PPP2R2B: variants seen among roughly 807,000 people sequenced by gnomAD.
PPP2R2B encodes serine/threonine-protein phosphatase 2A 55 kDa regulatory subunit B beta isoform.
A neutral mutation model predicts 46.0 loss-of-function variants in PPP2R2B; 5 were observed. The observed-to-expected ratio is 0.11, with a 90% CI of 0.06 to 0.23. The LOEUF (loss-of-function observed/expected upper bound fraction) is 0.23. Ranked by LOEUF, PPP2R2B falls within the 10% of genes least tolerant of loss-of-function variation. PPP2R2B has a pLI of 1.00. For missense variants in PPP2R2B, 367 were observed against 575.0 expected (o/e 0.64, Z 3.70); for synonymous variants, 215 against 206.7 (o/e 1.04, Z -0.34).
At chr5:146,890,629 T>A (rs2151428246) in intron 1 of PPP2R2B, among the ~76,000 whole-genome samples, 2 of 152,304 alleles carry the variant, frequency 1.3e-5, no homozygotes, top group East Asian at 3.9e-4. Flanking sequence ...GTAAGCAAGG[T>A]TGTATATATT....
At chr5:146,832,429 T>C (rs1759014077) in intron 2 of PPP2R2B, among the ~76,000 whole-genome samples, 1 of 148,236 alleles carries the variant, frequency 6.7e-6, no homozygotes, top group African/African-American at 2.5e-5. Context: ...TTCACTCTTA[T>C]TGCCTGGGCT....
At chr5:146,963,207 A>C (rs946025868) in intron 1 of PPP2R2B, among the ~76,000 whole-genome samples, 1 of 152,204 alleles carries the variant, frequency 6.6e-6, no homozygotes, top group African/African-American at 2.4e-5. Flanking sequence ...AAATCAAATC[A>C]AAATCAGAAT....
chr5:146,876,253 G>A (rs757724057), intron 2 of PPP2R2B, among the ~76,000 whole-genome samples: 27 of 152,034 alleles, frequency 1.8e-4, no homozygotes, highest in Non-Finnish European at 2.9e-4. Flanking sequence ...AAGAACAACG[G>A]TAATATCCAG....
intron 8 of PPP2R2B, among the ~76,000 whole-genome samples, chr5:146,597,577 C>A (rs454304): frequency 1.3e-4 from 20 of 152,056 alleles, no homozygotes; most frequent in Non-Finnish European, 2.5e-4. Context: ...TACTTTCTAC[C>A]CTTTGTTTAC....
chr5:146,705,997 A>G (rs563951547), intron 2 of PPP2R2B, among the ~76,000 whole-genome samples: 2 of 152,274 alleles, frequency 1.3e-5, no homozygotes, highest in South Asian at 4.1e-4. Context: ...AAACAAAACA[A>G]AACAAAAAAC....
chr5:147,039,019 T>C (rs1265537095), intron 1 of PPP2R2B, among the ~76,000 whole-genome samples: 1 of 152,194 alleles, frequency 6.6e-6, no homozygotes, highest in African/African-American at 2.4e-5. Context: ...CACAAAGACC[T>C]TTCTATTCCT....
intron 5 of PPP2R2B, among the ~76,000 whole-genome samples, chr5:146,655,433 CT>C (rs111733568): frequency 0.034 from 5,223 of 152,266 alleles, 307 homozygotes; most frequent in African/African-American, 0.12. Flanking sequence ...ACCATCCCAC[CT>C]CAAATCGCAC....
chr5:147,054,546 G>T, intron 1 of PPP2R2B: 1 of 454,422 alleles, frequency 2.2e-6, no homozygotes, highest in Non-Finnish European at 4.4e-6. Context: ...CTCAATTCAA[G>T]GGTGATCCCA....
chr5:146,800,460 T>G (rs1756794203), intron 2 of PPP2R2B, among the ~76,000 whole-genome samples: 1 of 152,124 alleles, frequency 6.6e-6, no homozygotes, highest in South Asian at 2.1e-4. Flanking sequence ...TCTACCAAAT[T>G]AATTTTCTCT....
chr5:146,687,701 A>C (rs748345776), intron 5 of PPP2R2B, among the ~76,000 whole-genome samples: 14 of 152,158 alleles, frequency 9.2e-5, no homozygotes, highest in Non-Finnish European at 1.8e-4. Flanking sequence ...CATGCTTCTC[A>C]TGGGCTCTTT....
chr5:146,967,149 A>G (rs369255534), intron 1 of PPP2R2B, among the ~76,000 whole-genome samples: 5 of 152,190 alleles, frequency 3.3e-5, no homozygotes, highest in Admixed American at 6.5e-5. Context: ...TCACTGCAAC[A>G]TACTGCCCTC....
chr5:146,585,266 A>ACACACACC lies in PPP2R2B; in HGVS notation c.*4680_*4681insGGTGTGTG, dbSNP rs1770091047. The ACACACACC allele has an allele frequency of 1.4e-5, 2 of 142,822 alleles. No homozygotes were observed. The highest frequency in any genetic ancestry group is 5.8e-5 in the African/African-American group (2 of 34,326). 8.8% of individuals were successfully genotyped at this position (142,822 alleles called of 1,614,324 possible). ...AACTTCCATCTACATGCATACACAC[A>ACACACACC]CACACACACACACACACACACACAC... is the stretch of plus-strand genomic sequence containing the variant. On this transcript the variant is annotated 3_prime_UTR_variant, in exon 10 of 10. Coordinates refer to ENST00000394411, the MANE Select transcript of PPP2R2B (RefSeq NM_181675.4).
chr5:146,752,020 CT>C, intron 2 of PPP2R2B, among the ~76,000 whole-genome samples: 1 of 152,168 alleles, frequency 6.6e-6, no homozygotes, highest in African/African-American at 2.4e-5. Flanking sequence ...AGCACTGTGG[CT>C]TTTACCCTCA....
intron 2 of PPP2R2B, among the ~76,000 whole-genome samples, chr5:146,818,005 T>C (rs1307612837): frequency 6.6e-6 from 1 of 152,220 alleles, no homozygotes; most frequent in Non-Finnish European, 1.5e-5. Context: ...TTTGTCTGCC[T>C]GGCAGGGCTG....
intron 1 of PPP2R2B, among the ~76,000 whole-genome samples, chr5:147,025,415 G>A (rs1755478303): frequency 6.6e-6 from 1 of 151,616 alleles, no homozygotes; most frequent in Non-Finnish European, 1.5e-5. Flanking sequence ...ACATGTTATA[G>A]GAGGCAAGCA....
chr5:146,861,214 C>G (rs1157488465), intron 2 of PPP2R2B, among the ~76,000 whole-genome samples: 12 of 151,910 alleles, frequency 7.9e-5, no homozygotes, highest in Admixed American at 7.9e-4. Flanking sequence ...CGCCACCACG[C>G]CCGGCTAATT....
chr5:146,584,563 T>C lies in PPP2R2B; in HGVS notation c.*5384A>G, dbSNP rs1165704357. ...CTTCCTGCTACGTCATCTAACCCTTTTGAGTCTGTTTCTCGCTATAAAAAT... is the reference window on the plus strand; with the variant it reads ...CTTCCTGCTACGTCATCTAACCCTTCTGAGTCTGTTTCTCGCTATAAAAAT... On this transcript the variant is annotated 3_prime_UTR_variant, in exon 10 of 10. Coordinates refer to ENST00000394411, the MANE Select transcript of PPP2R2B (RefSeq NM_181675.4). The C allele has an allele frequency of 6.6e-6, 1 of 152,196 alleles. No homozygotes were observed. Among genetic ancestry groups the C allele is most frequent in the Non-Finnish European group, 1.5e-5 (1 of 68,036 alleles). 9.4% of individuals were successfully genotyped at this position (152,196 alleles called of 1,614,324 possible).
intron 5 of PPP2R2B, among the ~76,000 whole-genome samples, chr5:146,664,028 G>C (rs1314920990): frequency 6.6e-6 from 1 of 151,946 alleles, no homozygotes; most frequent in African/African-American, 2.4e-5. Flanking sequence ...TTTTAGTAGA[G>C]ATGGGGTTTC....
At chr5:146,620,553 T>G (rs1487967216) in intron 7 of PPP2R2B, among the ~76,000 whole-genome samples, 1 of 152,132 alleles carries the variant, frequency 6.6e-6, no homozygotes, top group East Asian at 1.9e-4. Flanking sequence ...ATATTTGGTC[T>G]TTCACTCTCT....
Sources: gnomAD v4.1 joint callset for allele counts (sites outside exome capture counted in the v4.1 genomes callset) on GRCh38, gnomAD v4.1.1 for gene constraint, MANE v1.5 for transcripts, NCBI Gene and HGNC (gene_info 2026-07-23, HGNC 2026-07-21) for gene names.